DOCK1: variants seen among roughly 807,000 people sequenced by gnomAD.
DOCK1 encodes the protein dedicator of cytokinesis protein 1.
A neutral mutation model predicts 262.7 loss-of-function variants in DOCK1; 138 were observed. The observed-to-expected ratio is 0.53, with a 90% CI of 0.46 to 0.61. The LOEUF is 0.61. Among genes scored for constraint, DOCK1 ranks in the 20% least tolerant of loss-of-function variants. The pLI is 0.00. For synonymous variants in DOCK1, 866 were observed against 867.4 expected (o/e 1.00, Z 0.03); for missense variants, 1,908 against 2,370.7 (o/e 0.80, Z 4.05).
Position 127,100,288 on chromosome 10 carries a change from C to T in DOCK1, c.2446-5943C>T, listed in dbSNP as rs529901606. On this transcript the variant is annotated intron_variant, in intron 23 of 51. Coordinates refer to ENST00000623213, the MANE Select transcript of DOCK1 (RefSeq NM_001290223.2). The surrounding 1 kb of genome is among the most constrained non-coding windows in gnomAD (Gnocchi z 5.5). ...CGTGCGGCCCAGGTGCTGTTTGTTC[C>T]GGGGGGAGTTAACAGCCTGAACCGA... is the stretch of plus-strand genomic sequence containing the variant. Among the ~76,000 whole-genome samples the T allele has an allele frequency of 1.3e-4, 20 of 152,206 alleles. No individual in the cohort carries two copies. Among genetic ancestry groups the T allele is most frequent in the Admixed American group, 3.3e-4 (5 of 15,290 alleles).
At chr10:127,052,472 C>T (rs2044796812) in intron 21 of DOCK1, among the ~76,000 whole-genome samples, 1 of 150,528 alleles carries the variant, frequency 6.6e-6, no homozygotes, top group South Asian at 2.1e-4. Flanking sequence ...TGCAGTGAGC[C>T]GAGATTGCAC....
intron 29 of DOCK1, among the ~76,000 whole-genome samples, chr10:127,297,114 C>G (rs919995725): frequency 6.6e-6 from 1 of 152,162 alleles, no homozygotes; most frequent in Non-Finnish European, 1.5e-5. Context: ...GAGGGAGAAC[C>G]TGTTGATTTG....
chr10:127,234,700 G>A (rs1268186823), intron 27 of DOCK1, among the ~76,000 whole-genome samples: 5 of 152,118 alleles, frequency 3.3e-5, no homozygotes, highest in Non-Finnish European at 7.4e-5. Context: ...CAAGAAAAAT[G>A]TGAAAAACAA....
At position 127,224,905 on chromosome 10, in the gene DOCK1, A is replaced by G. The variant is rs1158048833; in HGVS notation, c.2848-23103A>G. Among the ~76,000 whole-genome samples, 5 of 152,170 alleles carry G rather than the reference A, an allele frequency of 3.3e-5. No individual in the cohort carries two copies. The East Asian group carries it at 9.6e-4, about 29-fold the overall frequency. The stretch of plus-strand genomic sequence containing the variant: ...GGTCAAGACGATGGAGCCATTGAGT[A>G]CATTTTAATGAATGTGAATGTTATC... On this transcript the variant is annotated intron_variant, in intron 27 of 51. Transcript: ENST00000623213.
chr10:127,169,085 A>G (rs1374383346), intron 27 of DOCK1, among the ~76,000 whole-genome samples: 1 of 152,108 alleles, frequency 6.6e-6, no homozygotes. Flanking sequence ...TCACGCAAAC[A>G]TGTTCTGTGA....
chr10:127,166,138 T>C (rs1564858784), intron 27 of DOCK1, among the ~76,000 whole-genome samples: 1 of 152,184 alleles, frequency 6.6e-6, no homozygotes, highest in Non-Finnish European at 1.5e-5. Context: ...CAATCTCGGC[T>C]CACTGCAAGC....
intron 31 of DOCK1, among the ~76,000 whole-genome samples, chr10:127,347,747 C>T (rs1206639318): frequency 6.6e-6 from 1 of 150,962 alleles, no homozygotes; most frequent in African/African-American, 2.4e-5. Flanking sequence ...GTAGGCTCAG[C>T]ACTGCCTCCA....
chr10:127,142,884 G>A (rs978241233), intron 27 of DOCK1, among the ~76,000 whole-genome samples: 1 of 152,132 alleles, frequency 6.6e-6, no homozygotes, highest in Non-Finnish European at 1.5e-5. Flanking sequence ...TTAAGTGTGG[G>A]GACTTTCTTA....
At chr10:127,081,878 G>C (rs533859251) in intron 23 of DOCK1, among the ~76,000 whole-genome samples, 1 of 152,010 alleles carries the variant, frequency 6.6e-6, no homozygotes, top group African/African-American at 2.4e-5. Context: ...ATGTCCTCTC[G>C]TCACCACCGT....
chr10:127,017,673 C>T lies in DOCK1; in HGVS notation c.1202-1037C>T, dbSNP rs2042103577. Among the ~76,000 whole-genome samples the T allele has an allele frequency of 1.3e-5, 2 of 152,176 alleles. 1 individual carries two copies. Among genetic ancestry groups the T allele is most frequent in the South Asian group, 4.1e-4 (2 of 4,834 alleles). On this transcript the variant is annotated intron_variant, in intron 12 of 51. Coordinates refer to ENST00000623213, the MANE Select transcript of DOCK1 (RefSeq NM_001290223.2). ...AAATGAGGACAGAGGCTTTGATGTT[C>T]TGAGGGGCAGATGAGGCCCTACCAA... is the stretch of plus-strand genomic sequence containing the variant.
intron 24 of DOCK1, among the ~76,000 whole-genome samples, chr10:127,109,877 A>G (rs1364372082): frequency 6.6e-6 from 1 of 152,098 alleles, no homozygotes; most frequent in Non-Finnish European, 1.5e-5. Context: ...GGGAGGTGGT[A>G]TATGCCTGGA....
chr10:127,343,576 C>G, intron 30 of DOCK1, 70 bp from the exon 31 acceptor site: 1 of 1,205,630 alleles, frequency 8.3e-7, no homozygotes. Context: ...TGATAAATGT[C>G]TGAGAGCATT....
At chr10:127,292,791 T>A (rs565744203) in intron 29 of DOCK1, among the ~76,000 whole-genome samples, 1 of 152,326 alleles carries the variant, frequency 6.6e-6, no homozygotes. Context: ...TGGGCTTTAA[T>A]GTTTTGTGCT....
At chr10:127,003,451 T>G (rs140821669) in intron 10 of DOCK1, among the ~76,000 whole-genome samples, 1 of 152,370 alleles carries the variant, frequency 6.6e-6, no homozygotes, top group Non-Finnish European at 1.5e-5. Flanking sequence ...CAGCTGTTAA[T>G]GTTGGGTTGC....
chr10:127,242,262 A>G (rs2059290353), intron 27 of DOCK1, among the ~76,000 whole-genome samples: 1 of 152,184 alleles, frequency 6.6e-6, no homozygotes, highest in African/African-American at 2.4e-5. Flanking sequence ...CCCTAAGTAT[A>G]TTTTGAAAAA....
chr10:127,311,354 G>C (rs954602716), intron 29 of DOCK1, among the ~76,000 whole-genome samples: 1 of 152,164 alleles, frequency 6.6e-6, no homozygotes, highest in Non-Finnish European at 1.5e-5. Context: ...TACTCATCCT[G>C]CAGAAGGAAC....
chr10:127,070,683 C>T (rs541664053), intron 23 of DOCK1, among the ~76,000 whole-genome samples: 5 of 151,352 alleles, frequency 3.3e-5, no homozygotes, highest in Admixed American at 2.6e-4. Flanking sequence ...CAGGCACCCA[C>T]AGTCAGTTTG....
At chr10:127,394,378 A>T (rs6482860) in intron 38 of DOCK1, among the ~76,000 whole-genome samples, 2 of 147,784 alleles carry the variant, frequency 1.4e-5, no homozygotes, top group Non-Finnish European at 1.5e-5. Context: ...AAAGCGTTTT[A>T]CATCATTGTG....
intron 23 of DOCK1, among the ~76,000 whole-genome samples, chr10:127,097,360 G>A (rs1223898487): frequency 2.0e-5 from 3 of 152,164 alleles, no homozygotes; most frequent in Non-Finnish European, 4.4e-5. Context: ...TCAGCAGCCT[G>A]CCTGTCTTAA....
Sources: allele counts gnomAD v4.1 joint callset (sites outside exome capture counted in the v4.1 genomes callset), GRCh38; gene constraint gnomAD v4.1.1; non-coding constraint Gnocchi (gnomAD v3.1); transcripts MANE v1.5; gene names NCBI Gene and HGNC (gene_info 2026-07-23, HGNC 2026-07-21).